Variants in ATP11C observed in about 807,000 individuals in gnomAD.
ATP11C encodes the protein phospholipid-transporting ATPase IG.
A neutral mutation model predicts 97.4 loss-of-function variants in ATP11C; 36 were observed. The ratio of observed to expected loss-of-function variants is 0.37; its 90% CI spans 0.28 to 0.49. The LOEUF is 0.49. ATP11C is among the 20% of genes least tolerant of loss of function. The pLI, the probability that ATP11C is intolerant of heterozygous loss-of-function variation, is 0.98. For missense variants in ATP11C, 730 were observed against 824.6 expected (o/e 0.89, Z 1.40); for synonymous variants, 275 against 290.9 (o/e 0.95, Z 0.56).
chrX:139,878,057 C>T (rs2148036443), intron 1 of ATP11C, among the ~76,000 whole-genome samples: 1 of 111,561 alleles, frequency 9.0e-6, no homozygotes, highest in East Asian at 2.8e-4. Context: ...AAAATAATGG[C>T]TAAAAAAAAT....
At chrX:139,798,197 T>C (rs2082842333) in intron 10 of ATP11C, 76 bp downstream of exon 10, 2 of 889,889 alleles carry the variant, frequency 2.2e-6, no homozygotes, top group Non-Finnish European at 3.2e-6. Flanking sequence ...TTTTTTGTTA[T>C]GCTTGTTACT....
chrX:139,887,919 C>T (rs935859208), intron 1 of ATP11C, among the ~76,000 whole-genome samples: 48 of 101,301 alleles, frequency 4.7e-4, no homozygotes, highest in Admixed American at 9.9e-4. Context: ...TTCAGTGAGC[C>T]GAGATCGCAC....
chrX:139,915,296 T>C (rs2085138207), intron 1 of ATP11C, among the ~76,000 whole-genome samples: 1 of 111,834 alleles, frequency 8.9e-6, no homozygotes, highest in African/African-American at 3.3e-5. Flanking sequence ...TTAAAAGTAC[T>C]TGCACCTCGA....
chrX:139,881,058 T>C (rs953180506), intron 1 of ATP11C, among the ~76,000 whole-genome samples: 1 of 111,885 alleles, frequency 8.9e-6, no homozygotes, highest in African/African-American at 3.2e-5. Flanking sequence ...AATATTAAGA[T>C]GTTACCCTCA....
intron 28 of ATP11C, among the ~76,000 whole-genome samples, chrX:139,737,401 C>A (rs2081466180): frequency 9.0e-6 from 1 of 111,033 alleles, no homozygotes; most frequent in Non-Finnish European, 1.9e-5. Context: ...GTCAAAACCA[C>A]ATCCAGGGAA....
intron 1 of ATP11C, among the ~76,000 whole-genome samples, chrX:139,894,664 A>C (rs1162478236): frequency 8.9e-6 from 1 of 111,938 alleles, no homozygotes; most frequent in African/African-American, 3.2e-5. Flanking sequence ...AAAAGAGATA[A>C]ATGTTTAACG....
At chrX:139,789,959 G>A (rs1211475886) in intron 12 of ATP11C, among the ~76,000 whole-genome samples, 3 of 108,909 alleles carry the variant, frequency 2.8e-5, no homozygotes, top group Non-Finnish European at 5.7e-5. Flanking sequence ...GAATCCAGGA[G>A]ACAAAGGTTG....
At chrX:139,734,558 T>C (rs982366230) in intron 28 of ATP11C, among the ~76,000 whole-genome samples, 1 of 111,660 alleles carries the variant, frequency 9.0e-6, no homozygotes, top group Non-Finnish European at 1.9e-5. Flanking sequence ...ACTCCAGATA[T>C]ATTTCATTGA....
At chrX:139,791,270 G>C in intron 12 of ATP11C, among the ~76,000 whole-genome samples, 1 of 110,575 alleles carries the variant, frequency 9.0e-6, no homozygotes, top group Admixed American at 9.7e-5. Flanking sequence ...AATTCTTTGG[G>C]GCTTTTTTCT....
intron 1 of ATP11C, among the ~76,000 whole-genome samples, chrX:139,854,325 G>C (rs962048702): frequency 8.9e-6 from 1 of 112,341 alleles, no homozygotes; most frequent in South Asian, 3.7e-4. Flanking sequence ...AGTAAAGTTT[G>C]CTAAAAGTTA....
At chrX:139,754,735 C>G (rs1188787162) in intron 23 of ATP11C, among the ~76,000 whole-genome samples, 1 of 112,118 alleles carries the variant, frequency 8.9e-6, no homozygotes, top group Non-Finnish European at 1.9e-5. Flanking sequence ...ATAAACAGAA[C>G]TAAAAACAAA....
chrX:139,756,875 T>A (rs1171871318), intron 23 of ATP11C, among the ~76,000 whole-genome samples: 1 of 107,509 alleles, frequency 9.3e-6, no homozygotes, highest in African/African-American at 3.4e-5. Context: ...GGTACTATAC[T>A]TTTTACCTGG....
At chrX:139,925,355 G>A (rs958939430) in intron 1 of ATP11C, among the ~76,000 whole-genome samples, 6 of 108,981 alleles carry the variant, frequency 5.5e-5, no homozygotes, top group African/African-American at 2.0e-4. Context: ...GCACGATCTC[G>A]GCTCAGTGCA....
At position 139,850,094 on chromosome X, in the gene ATP11C, A is replaced by C. The variant is rs773801659; in HGVS notation, c.28-23271T>G. 2.0e-4 allele frequency among the ~76,000 whole-genome samples: 22 copies of C among 112,266 alleles called. 1 individual carries two copies. The South Asian group carries it at 2.2e-3, about 11-fold the overall frequency. The stretch of plus-strand genomic sequence containing the variant: ...CTATTATAGCAACACAAAATGAAGA[A>C]AGACAGAGAAGTGGTACCGAGAGTA... On this transcript the variant is annotated intron_variant, in intron 1 of 29. Transcript: ENST00000682941.
chrX:139,848,151 C>T (rs1165097460), intron 1 of ATP11C, among the ~76,000 whole-genome samples: 3 of 111,743 alleles, frequency 2.7e-5, no homozygotes, highest in Non-Finnish European at 5.6e-5. Flanking sequence ...GTTGTCATCA[C>T]TATCAAACAC....
At chrX:139,857,438 T>C (rs976939426) in intron 1 of ATP11C, among the ~76,000 whole-genome samples, 2 of 111,743 alleles carry the variant, frequency 1.8e-5, no homozygotes, top group African/African-American at 6.5e-5. Flanking sequence ...CTTTTTCGAT[T>C]ACCTGCTCCA....
intron 2 of ATP11C, among the ~76,000 whole-genome samples, chrX:139,822,948 G>A (rs1324108353): frequency 1.8e-5 from 2 of 110,881 alleles, no homozygotes; most frequent in African/African-American, 6.6e-5. Context: ...TGGGCATGAT[G>A]GCTCACACCT....
intron 1 of ATP11C, among the ~76,000 whole-genome samples, chrX:139,852,699 CCT>C (rs1646878961): frequency 2.7e-5 from 3 of 109,607 alleles, no homozygotes; most frequent in African/African-American, 9.9e-5. Flanking sequence ...GTGAGTGGGT[CCT>C]CTCCATGGTT....
At chrX:139,905,346 T>C (rs777428472) in intron 1 of ATP11C, among the ~76,000 whole-genome samples, 1 of 112,364 alleles carries the variant, frequency 8.9e-6, no homozygotes, top group African/African-American at 3.2e-5. Context: ...AGCTTTAATG[T>C]CTCCTTTCAC....
Sources: gnomAD v4.1 joint callset for allele counts (sites outside exome capture counted in the v4.1 genomes callset) on GRCh38, gnomAD v4.1.1 for gene constraint, MANE v1.5 for transcripts, NCBI Gene and HGNC (gene_info 2026-07-23, HGNC 2026-07-21) for gene names.